NUCB2: variants seen among roughly 807,000 people sequenced by gnomAD.
The protein encoded by NUCB2 is nucleobindin-2.
In NUCB2, 48 loss-of-function variants were observed where a neutral mutation model predicts 57.9. That is an observed-to-expected ratio of 0.83 (90% CI 0.66 to 1.05). NUCB2 has a LOEUF of 1.05. Among genes scored for constraint, NUCB2 ranks in the 50% least tolerant of loss-of-function variants. The probability of loss-of-function intolerance (pLI) is 0.00; values close to 1 mark genes in which losing one functional copy is unlikely to be tolerated. For synonymous variants in NUCB2, 139 were observed against 152.1 expected, an observed-to-expected ratio of 0.91 and a Z score of 0.64; for missense variants, 442 against 476.2, an observed-to-expected ratio of 0.93 and a Z score of 0.67.
chr11:17,296,815 A>C (rs575441150), intron 4 of NUCB2, among the ~76,000 whole-genome samples: 15 of 152,182 alleles, frequency 9.9e-5, no homozygotes, highest in Non-Finnish European at 1.5e-5. Flanking sequence ...GAGGGCCTGT[A>C]TATCATGTTA....
At chr11:17,287,896 A>C in intron 2 of NUCB2, among the ~76,000 whole-genome samples, 1 of 152,074 alleles carries the variant, frequency 6.6e-6, no homozygotes. Flanking sequence ...GCTACTTGGG[A>C]GGCTGAGGCA....
chr11:17,331,440 T>C lies in NUCB2; in HGVS notation c.*21T>C. On this transcript the variant is annotated 3_prime_UTR_variant, in exon 14 of 14. Coordinates refer to ENST00000529010, the MANE Select transcript of NUCB2 (RefSeq NM_005013.4). The stretch of plus-strand genomic sequence containing the variant: ...TTTAAAGTCTGAAGTCCACCAGAAC[T>C]TGGAAGAAAGCTGTTAACTCAACAT... 1 of 1,430,758 alleles carries C rather than the reference T, an allele frequency of 7.0e-7. No individual in the cohort carries two copies. Among genetic ancestry groups the C allele is most frequent in the Non-Finnish European group, 9.2e-7 (1 of 1,083,418 alleles). The allele number at this position is 1,430,758 out of a possible 1,614,324, so 88.6% of individuals were successfully genotyped here. A position where few individuals can be genotyped will look rare whatever the true frequency, so the allele number is the denominator to read the frequency against.
At chr11:17,292,679 T>A (rs573511308) in intron 2 of NUCB2, among the ~76,000 whole-genome samples, 1 of 152,332 alleles carries the variant, frequency 6.6e-6, no homozygotes, top group South Asian at 2.1e-4. Flanking sequence ...ACACTCTAGC[T>A]GTATGACTGA....
chr11:17,285,294 G>T (rs1286429901), intron 2 of NUCB2, among the ~76,000 whole-genome samples: 1 of 152,176 alleles, frequency 6.6e-6, no homozygotes, highest in East Asian at 1.9e-4. Flanking sequence ...GCCGGGCGTG[G>T]CTGGGTGAGG....
In NUCB2 at chr11:17,330,435, T is replaced by A; in HGVS notation, c.1173+138T>A. 2.1e-6 allele frequency: 1 copy of A among 481,216 alleles called. No individual in the cohort carries two copies. Among genetic ancestry groups the A allele is most frequent in the Non-Finnish European group, 3.6e-6 (1 of 277,386 alleles). The allele number at this position is 481,216 out of a possible 1,614,324, so 29.8% of individuals were successfully genotyped here. ...CTATAGTATTTTAAATTTTAATACT[T>A]TAAAACTGTTTTGTGGAATATTAAT... On this transcript the variant is annotated intron_variant, in intron 12 of 13. Coordinates refer to ENST00000529010, the MANE Select transcript of NUCB2 (RefSeq NM_005013.4). The surrounding 1 kb of genome is among the most constrained non-coding windows in gnomAD (Gnocchi z 4.3).
chr11:17,277,544 C>T (rs1040535138), intron 1 of NUCB2, among the ~76,000 whole-genome samples: 4 of 151,938 alleles, frequency 2.6e-5, no homozygotes, highest in Non-Finnish European at 4.4e-5. Flanking sequence ...TGAGAATGAA[C>T]GGGAACCATT....
At chr11:17,335,467 T>G (rs1398183052), downstream of NUCB2, among the ~76,000 whole-genome samples, 1 of 152,200 alleles carries the variant, frequency 6.6e-6, no homozygotes, top group Admixed American at 6.5e-5. Context: ...TAAGGAATTG[T>G]AATTTTTTGA....
At chr11:17,316,814 G>A (rs1949313170) in intron 11 of NUCB2, among the ~76,000 whole-genome samples, 1 of 152,108 alleles carries the variant, frequency 6.6e-6, no homozygotes, top group Non-Finnish European at 1.5e-5. Flanking sequence ...AATTTTAATT[G>A]TCCAGAAAAT....
At chr11:17,334,245 G>A (rs1951629468), downstream of NUCB2, 1 of 152,194 alleles carries the variant, frequency 6.6e-6, no homozygotes, top group Admixed American at 6.5e-5. Flanking sequence ...CAATGGGAGG[G>A]TTGAAGAAAC....
At chr11:17,284,057 C>A (rs1365942139) in intron 2 of NUCB2, among the ~76,000 whole-genome samples, 4 of 152,078 alleles carry the variant, frequency 2.6e-5, no homozygotes, top group Non-Finnish European at 4.4e-5. Flanking sequence ...GAGACGGAGT[C>A]TCACTCTTTC....
At chr11:17,345,088 ATATCT>A (rs1952608320) in intron 2 of NUCB2, among the ~76,000 whole-genome samples, 1 of 152,222 alleles carries the variant, frequency 6.6e-6, no homozygotes, top group Non-Finnish European at 1.5e-5. Flanking sequence ...TTTAATAGAA[ATATCT>A]TATTTTTGGA....
chr11:17,319,671 T>C (rs1324518959), intron 11 of NUCB2, among the ~76,000 whole-genome samples: 1 of 152,222 alleles, frequency 6.6e-6, no homozygotes, highest in African/African-American at 2.4e-5. Flanking sequence ...TTAAAACTCA[T>C]GAATTTACAC....
In NUCB2 at chr11:17,330,596, G is replaced by A. The variant is rs1293240098; in HGVS notation, c.1173+299G>A. Among the ~76,000 whole-genome samples, 1 of 152,092 alleles carries A rather than the reference G, an allele frequency of 6.6e-6. No homozygotes were observed. On this transcript the variant is annotated intron_variant, in intron 12 of 13. Coordinates refer to ENST00000529010, the MANE Select transcript of NUCB2 (RefSeq NM_005013.4). This position sits in a 1 kb window ranked among gnomAD's most constrained non-coding sequence, Gnocchi z 4.3. ...TGATCCTCCCACCTCAGCCTCCCCA[G>A]TAGCTAGGACTACAGGTGCATGCCA...
intron 2 of NUCB2, among the ~76,000 whole-genome samples, chr11:17,338,958 C>T (rs1227285852): frequency 6.6e-6 from 1 of 151,642 alleles, no homozygotes; most frequent in East Asian, 1.9e-4. Context: ...GCCACCGTGC[C>T]TGGCCTATTT....
intron 3 of NUCB2, 180 bp downstream of exon 3, chr11:17,295,647 G>C (rs1945711862): frequency 6.9e-6 from 4 of 581,410 alleles, no homozygotes; most frequent in Non-Finnish European, 8.9e-6. Flanking sequence ...TTCTGAAATA[G>C]CAGTGAAAAG....
intron 1 of NUCB2, among the ~76,000 whole-genome samples, chr11:17,279,291 C>T (rs1403140708): frequency 6.6e-6 from 1 of 152,156 alleles, no homozygotes; most frequent in Non-Finnish European, 1.5e-5. Flanking sequence ...ATTTTTTTTA[C>T]AACCATGATG....
At chr11:17,327,627 CT>C (rs1591565666) in intron 11 of NUCB2, among the ~76,000 whole-genome samples, 1 of 152,014 alleles carries the variant, frequency 6.6e-6, no homozygotes, top group East Asian at 1.9e-4. Context: ...ATTCTCTCTC[CT>C]TTGTGTCCTC....
intron 10 of NUCB2, among the ~76,000 whole-genome samples, chr11:17,313,486 C>T (rs1948811932): frequency 2.0e-5 from 3 of 152,154 alleles, no homozygotes; most frequent in Admixed American, 2.0e-4. Context: ...GCCAAGATTA[C>T]ACCACTGTAC....
In NUCB2 at chr11:17,310,944, AG is replaced by A; in HGVS notation, c.604del (p.Glu202LysfsTer9). The A allele has an allele frequency of 6.3e-7, 1 of 1,595,046 alleles. No homozygotes were observed. The highest frequency in any genetic ancestry group is 1.7e-4 in the Middle Eastern group (1 of 6,006). ...LKTLNEEKRK[E>X]EESKFEEMKK... is the part of the protein sequence containing the mutation. ...AAACATTGAATGAAGAAAAGAGAAAAGAAGAAGAGTCTAAATTTGAAGAAAT... is the reference window on the plus strand; with the variant it reads ...AAACATTGAATGAAGAAAAGAGAAAAAAGAAGAGTCTAAATTTGAAGAAAT... On this transcript the variant is annotated frameshift_variant, in exon 7 of 14. Transcript: ENST00000529010. LOFTEE classifies it high-confidence loss of function.
Sources: gnomAD v4.1 joint callset for allele counts (sites outside exome capture counted in the v4.1 genomes callset) on GRCh38, gnomAD v4.1.1 for gene constraint, Gnocchi (gnomAD v3.1) non-coding constraint, MANE v1.5 for transcripts, NCBI Gene and HGNC (gene_info 2026-07-23, HGNC 2026-07-21) for gene names.